BRIP1: variants seen among roughly 807,000 people sequenced by gnomAD.
The protein encoded by BRIP1 is Fanconi anemia group J protein.
A neutral mutation model predicts 119.7 loss-of-function variants in BRIP1; 88 were observed. The ratio of observed to expected loss-of-function variants is 0.74; its 90% confidence interval spans 0.62 to 0.88. The LOEUF is 0.88. Ranked by LOEUF, BRIP1 falls within the 40% of genes least tolerant of loss-of-function variation. The pLI is 0.00. For missense variants in BRIP1, 1,259 were observed against 1,455.4 expected, an observed-to-expected ratio of 0.87 and a Z score of 2.20; for synonymous variants, 443 against 496.5, an observed-to-expected ratio of 0.89 and a Z score of 1.43.
intron 6 of BRIP1, among the ~76,000 whole-genome samples, chr17:61,838,546 AAAAT>A (rs71153410): frequency 0.55 from 77,729 of 140,690 alleles, 21,770 homozygotes; most frequent in Admixed American, 0.59. Flanking sequence ...TCCCTCTCAA[AAAAT>A]AAATAAATAA....
Position 61,837,424 on chromosome 17 carries a change from C to T in BRIP1, c.627+9677G>A, listed in dbSNP as rs528618511. ...AAGGTCAACAGCGCACTCTGCTGGA[C>T]CCAAGTGTCTTCCACACACCAGGCC... On this transcript the variant is annotated intron_variant, in intron 6 of 19. Transcript: ENST00000259008. Among the ~76,000 whole-genome samples, 11 of 152,208 alleles carry T rather than the reference C, an allele frequency of 7.2e-5. No individual in the cohort carries two copies. The South Asian group carries it at 1.5e-3, about 20-fold the overall frequency.
At position 61,731,913 on chromosome 17, in the gene BRIP1, T is replaced by TAA. The variant is rs11368734; in HGVS notation, c.2379+11098_2379+11099dup. ...AATACTTGGTGCTCTAGCCAGATAT[T>TAA]AAAAAAAAAAAAGGTTGCTTTATTA... On this transcript the variant is annotated intron_variant, in intron 16 of 19. Coordinates refer to ENST00000259008, the MANE Select transcript of BRIP1 (RefSeq NM_032043.3). Among the ~76,000 whole-genome samples, 711 of 138,386 alleles carry TAA rather than the reference T, an allele frequency of 5.1e-3. 10 individuals are homozygous for TAA. Among genetic ancestry groups the TAA allele is most frequent in the African/African-American group, 0.015 (562 of 37,586 alleles). 90.8% of individuals were successfully genotyped at this position (138,386 alleles called of 152,430 possible). A position where few individuals can be genotyped will look rare whatever the true frequency, so the allele number is the denominator to read the frequency against.
At chr17:61,858,361 AT>A (rs1270535911) in intron 3 of BRIP1, among the ~76,000 whole-genome samples, 3 of 149,952 alleles carry the variant, frequency 2.0e-5, no homozygotes, top group Non-Finnish European at 4.4e-5. Context: ...CCAAAAGCTT[AT>A]GAAGTATTTA....
At chr17:61,818,256 A>T (rs2145505869) in intron 6 of BRIP1, among the ~76,000 whole-genome samples, 1 of 152,186 alleles carries the variant, frequency 6.6e-6, no homozygotes, top group East Asian at 1.9e-4. Flanking sequence ...AGAATTTCAA[A>T]TATATGATAA....
At position 61,827,160 on chromosome 17, in the gene BRIP1, T is replaced by C. The variant is rs549583559; in HGVS notation, c.628-18403A>G. 2.6e-5 allele frequency among the ~76,000 whole-genome samples: 4 copies of C among 152,250 alleles called. No homozygotes were observed. The highest frequency in any genetic ancestry group is 4.1e-4 in the South Asian group (2 of 4,828). On this transcript the variant is annotated intron_variant, in intron 6 of 19. Coordinates refer to ENST00000259008, the MANE Select transcript of BRIP1 (RefSeq NM_032043.3). The surrounding 1 kb of genome is among the most constrained non-coding windows in gnomAD (Gnocchi z 5.8). ...CTGGAGACCATTATCCTTAGCAAAC[T>C]AATGCAGGAACAGAAAACCAAATAC...
At chr17:61,721,237 T>C (rs2061968059) in intron 16 of BRIP1, among the ~76,000 whole-genome samples, 1 of 151,668 alleles carries the variant, frequency 6.6e-6, no homozygotes, top group Non-Finnish European at 1.5e-5. Flanking sequence ...GGTCAAAAAA[T>C]TTTATCTTAC....
chr17:61,802,285 A>T lies in BRIP1; in HGVS notation c.919-811T>A, dbSNP rs2078007719. Among the ~76,000 whole-genome samples, 1 of 152,130 alleles carries T rather than the reference A, an allele frequency of 6.6e-6. No individual in the cohort carries two copies. The highest frequency in any genetic ancestry group is 1.5e-5 in the Non-Finnish European group (1 of 68,018). On this transcript the variant is annotated intron_variant, in intron 7 of 19. Transcript: ENST00000259008. This position sits in a 1 kb window ranked among gnomAD's most constrained non-coding sequence, Gnocchi z 6.0. ...ATACCAGCCTGGGCAATGTAGCAAA[A>T]CCCTGTCTCTACAAAAAATAAAAAA...
chr17:61,715,596 T>C (rs1386893069), intron 17 of BRIP1, among the ~76,000 whole-genome samples: 1 of 152,038 alleles, frequency 6.6e-6, no homozygotes, highest in Non-Finnish European at 1.5e-5. Flanking sequence ...AGGAGAGAGG[T>C]CTGTTTATCT....
chr17:61,837,789 AAAAT>A (rs1164384754), intron 6 of BRIP1, among the ~76,000 whole-genome samples: 3 of 152,132 alleles, frequency 2.0e-5, no homozygotes, highest in Non-Finnish European at 4.4e-5. Context: ...TCAGATTAAG[AAAAT>A]AAATCTGAAC....
In BRIP1 at chr17:61,754,228, T is replaced by C. The variant is rs748103141; in HGVS notation, c.2098-9637A>G. 7.9e-5 allele frequency among the ~76,000 whole-genome samples: 12 copies of C among 152,212 alleles called. No individual in the cohort carries two copies. Among genetic ancestry groups the C allele is most frequent in the Non-Finnish European group, 1.3e-4 (9 of 68,046 alleles). The stretch of plus-strand genomic sequence containing the variant: ...GGTGTGATTTTACCCAGCTATTTCT[T>C]TGGCCGTATCTCCTTCAATTCCCCA... On this transcript the variant is annotated intron_variant, in intron 14 of 19. Coordinates refer to ENST00000259008, the MANE Select transcript of BRIP1 (RefSeq NM_032043.3). This position sits in a 1 kb window ranked among gnomAD's most constrained non-coding sequence, Gnocchi z 4.1.
At position 61,846,262 on chromosome 17, in the gene BRIP1, A is replaced by AAG. The variant is rs1305533908; in HGVS notation, c.627+837_627+838dup. On this transcript the variant is annotated intron_variant, in intron 6 of 19. Coordinates refer to ENST00000259008, the MANE Select transcript of BRIP1 (RefSeq NM_032043.3). This position sits in a 1 kb window ranked among gnomAD's most constrained non-coding sequence, Gnocchi z 4.3. The stretch of plus-strand genomic sequence containing the variant: ...AGAGAGAAAAAGAGAGAGAGAGAGA[A>AAG]AGAGAGAGAGAGAGAGGTTGGAGCC... 2.8e-5 allele frequency among the ~76,000 whole-genome samples: 4 copies of AAG among 142,638 alleles called. No individual in the cohort carries two copies. Among genetic ancestry groups the AAG allele is most frequent in the Admixed American group, 1.4e-4 (2 of 14,746 alleles). 93.6% of individuals were successfully genotyped at this position (142,638 alleles called of 152,430 possible).
At position 61,832,822 on chromosome 17, in the gene BRIP1, A is replaced by G. The variant is rs1005217078; in HGVS notation, c.627+14279T>C. ...AGTATTAGATGGCAACAATGAATCAATTTTAACTTCCTGATTCTTATGGTT... is the reference window on the plus strand; with the variant it reads ...AGTATTAGATGGCAACAATGAATCAGTTTTAACTTCCTGATTCTTATGGTT... On this transcript the variant is annotated intron_variant, in intron 6 of 19. Coordinates refer to ENST00000259008, the MANE Select transcript of BRIP1 (RefSeq NM_032043.3). The surrounding 1 kb of genome is among the most constrained non-coding windows in gnomAD (Gnocchi z 5.5). Among the ~76,000 whole-genome samples the G allele has an allele frequency of 1.3e-5, 2 of 152,242 alleles. No homozygotes were observed. Among genetic ancestry groups the G allele is most frequent in the African/African-American group, 4.8e-5 (2 of 41,462 alleles).
intron 14 of BRIP1, among the ~76,000 whole-genome samples, chr17:61,772,108 A>T (rs2144971899): frequency 6.7e-6 from 1 of 148,492 alleles, no homozygotes; most frequent in Non-Finnish European, 1.5e-5. Flanking sequence ...CAAAAGGTAG[A>T]AACAATCCAA....
chr17:61,743,265 TGA>T lies in BRIP1; in HGVS notation c.2258-133_2258-132del, dbSNP rs773614953. The T allele has an allele frequency of 7.0e-4, 836 of 1,189,812 alleles. No homozygotes were observed. The highest frequency in any genetic ancestry group is 9.3e-4 in the Non-Finnish European group (778 of 836,738). 73.7% of individuals were successfully genotyped at this position (1,189,812 alleles called of 1,614,324 possible). ...AAATAATCAAAATAAAACACTATTA[TGA>T]GATAAAGTTTTAAAAGTTCAATGTC... is the stretch of plus-strand genomic sequence containing the variant. On this transcript the variant is annotated intron_variant, in intron 15 of 19. Coordinates refer to ENST00000259008, the MANE Select transcript of BRIP1 (RefSeq NM_032043.3). This position sits in a 1 kb window ranked among gnomAD's most constrained non-coding sequence, Gnocchi z 4.3.
At position 61,729,399 on chromosome 17, in the gene BRIP1, TTGTAA is replaced by T. The variant is rs1485050823; in HGVS notation, c.2380-13341_2380-13337del. ...TAATAACTATAGATTTAATTAAAAATTGTAATGTAACTATCTTGGGAGGCTATAAG... is the reference window on the plus strand; with the variant it reads ...TAATAACTATAGATTTAATTAAAAATTGTAACTATCTTGGGAGGCTATAAG... On this transcript the variant is annotated intron_variant, in intron 16 of 19. Transcript: ENST00000259008. The surrounding 1 kb of genome is among the most constrained non-coding windows in gnomAD (Gnocchi z 5.6). Among the ~76,000 whole-genome samples, 13 of 151,892 alleles carry T rather than the reference TTGTAA, an allele frequency of 8.6e-5. No individual in the cohort carries two copies. Among genetic ancestry groups the T allele is most frequent in the African/African-American group, 2.2e-4 (9 of 41,326 alleles).
At chr17:61,863,074 G>A (rs1014592968) in intron 1 of BRIP1, among the ~76,000 whole-genome samples, 1 of 152,008 alleles carries the variant, frequency 6.6e-6, no homozygotes, top group Non-Finnish European at 1.5e-5. Flanking sequence ...TCTGCCTCCC[G>A]CCAAGAATTA....
In BRIP1 at chr17:61,682,019, AATG is replaced by A. The variant is rs1370125181; in HGVS notation, c.*1274_*1276del. 3.0e-5 allele frequency: 6 copies of A among 202,438 alleles called. No individual in the cohort carries two copies. Among genetic ancestry groups the A allele is most frequent in the Non-Finnish European group, 5.1e-5 (5 of 98,624 alleles). The allele number at this position is 202,438 out of a possible 1,614,324, so 12.5% of individuals were successfully genotyped here. ...AAGAGATCAATGAATGTATTTTTGG[AATG>A]ATGTCAGAGATGAGCCTCTTTTATA... On this transcript the variant is annotated 3_prime_UTR_variant, in exon 20 of 20. Coordinates refer to ENST00000259008, the MANE Select transcript of BRIP1 (RefSeq NM_032043.3). The surrounding 1 kb of genome is among the most constrained non-coding windows in gnomAD (Gnocchi z 4.9).
chr17:61,840,125 G>A (rs1447361211), intron 6 of BRIP1, among the ~76,000 whole-genome samples: 2 of 152,124 alleles, frequency 1.3e-5, no homozygotes, highest in African/African-American at 2.4e-5. Context: ...TTGGGAGGCC[G>A]AGGCAAACAG....
At position 61,756,762 on chromosome 17, in the gene BRIP1, T is replaced by C. The variant is rs2077206374; in HGVS notation, c.2098-12171A>G. Among the ~76,000 whole-genome samples, 1 of 152,222 alleles carries C rather than the reference T, an allele frequency of 6.6e-6. No homozygotes were observed. Among genetic ancestry groups the C allele is most frequent in the Admixed American group, 6.5e-5 (1 of 15,276 alleles). ...AATAATACACTAACTCAAAGCCTCT[T>C]TTTGAAACTTTAGAAAGTGCAAATT... On this transcript the variant is annotated intron_variant, in intron 14 of 19. Transcript: ENST00000259008. This position sits in a 1 kb window ranked among gnomAD's most constrained non-coding sequence, Gnocchi z 4.3.
Sources: allele counts gnomAD v4.1 joint callset (sites outside exome capture counted in the v4.1 genomes callset), GRCh38; gene constraint gnomAD v4.1.1; non-coding constraint Gnocchi (gnomAD v3.1); transcripts MANE v1.5; gene names NCBI Gene and HGNC (gene_info 2026-07-23, HGNC 2026-07-21).